Variants in DNMT1 observed in about 807,000 individuals in gnomAD.
DNMT1 encodes the protein DNA methyltransferase 1, also known as DNA (cytosine-5)-methyltransferase 1.
In DNMT1, 24 loss-of-function variants were observed where a neutral mutation model predicts 205.3. That is an observed-to-expected ratio of 0.12 (90% confidence interval 0.08 to 0.16). The LOEUF is 0.16. Ranked by LOEUF, DNMT1 falls within the 10% of genes least tolerant of loss-of-function variation. DNMT1 has a pLI of 1.00. For missense variants in DNMT1, 1,293 were observed against 2,177.7 expected (o/e 0.59, Z 8.09); for synonymous variants, 817 against 839.8 (o/e 0.97, Z 0.47).
At chr19:10,148,751 G>T in intron 27 of DNMT1, 133 bp downstream of exon 27, 1 of 1,478,468 alleles carries the variant, frequency 6.8e-7, no homozygotes, top group Non-Finnish European at 9.3e-7. Flanking sequence ...TCATAGTCAG[G>T]CTGGCCTTTG....
Position 10,133,403 on chromosome 19 carries a change from G to C in DNMT1, c.*264C>G, listed in dbSNP as rs2089415682. 5.5e-6 allele frequency: 3 copies of C among 549,046 alleles called. No individual in the cohort carries two copies. The Admixed American group carries it at 9.6e-5, about 18-fold the overall frequency. 34.0% of individuals were successfully genotyped at this position (549,046 alleles called of 1,614,324 possible). A position where few individuals can be genotyped will look rare whatever the true frequency, so the allele number is the denominator to read the frequency against. Reference sequence around the variant, plus strand: ...TTACAACATATAAAAACTACATAAAGTCTTAATTTCCACTCATACAGTGGT... The same window carrying C: ...TTACAACATATAAAAACTACATAAACTCTTAATTTCCACTCATACAGTGGT... On this transcript the variant is annotated 3_prime_UTR_variant, in exon 41 of 41. Coordinates refer to ENST00000359526, the MANE Select transcript of DNMT1 (RefSeq NM_001130823.3). The surrounding 1 kb of genome is among the most constrained non-coding windows in gnomAD (Gnocchi z 4.1).
In DNMT1 at chr19:10,137,316, G is replaced by A; in HGVS notation, c.4294-36C>T. The stretch of plus-strand genomic sequence containing the variant: ...GTGGGGGGCCCAGCTGTCACCTCAT[G>A]TGAGCAGCATCCGAGCATCCATGGT... On this transcript the variant is annotated intron_variant, in intron 36 of 40. Coordinates refer to ENST00000359526, the MANE Select transcript of DNMT1 (RefSeq NM_001130823.3). The surrounding 1 kb of genome is among the most constrained non-coding windows in gnomAD (Gnocchi z 6.4). The A allele has an allele frequency of 6.3e-7, 1 of 1,576,424 alleles. No individual in the cohort carries two copies. The highest frequency in any genetic ancestry group is 1.2e-5 in the South Asian group (1 of 86,484).
chr19:10,162,811 G>T (rs926740421), intron 12 of DNMT1, 63 bp from the exon 13 acceptor site: 3 of 1,564,082 alleles, frequency 1.9e-6, no homozygotes, highest in African/African-American at 1.4e-5. Context: ...TCGCCAACTC[G>T]CACGGAAAGT....
chr19:10,148,116 C>CAAAAAAAAAAAAAAAAAAAAATAAAA (rs2038239870), intron 27 of DNMT1, among the ~76,000 whole-genome samples: 2 of 59,294 alleles, frequency 3.4e-5, no homozygotes, highest in Non-Finnish European at 3.1e-5. Flanking sequence ...AACTCTGTCT[C>CAAAAAAAAAAAAAAAAAAAAATAAAA]AAAAAAAAAA....
intron 39 of DNMT1, 134 bp downstream of exon 39, chr19:10,135,602 C>A (rs1321293454): frequency 4.4e-6 from 4 of 909,570 alleles, no homozygotes; most frequent in Non-Finnish European, 6.9e-6. Context: ...GCCGTCTTCC[C>A]ACTGAGAGTG....
intron 1 of DNMT1, among the ~76,000 whole-genome samples, chr19:10,186,001 CACACGCTGTGGTAATAGCGTT>C (rs1175612571): frequency 6.6e-6 from 1 of 152,102 alleles, no homozygotes; most frequent in Non-Finnish European, 1.5e-5. Flanking sequence ...GCCAGAGGCA[CACACGCTGTGGTAATAGCGTT>C]ACACTTGACT....
Position 10,137,443 on chromosome 19 carries a change from G to A in DNMT1, c.4294-163C>T, listed in dbSNP as rs950828379. 10 of 860,532 alleles carry A rather than the reference G, an allele frequency of 1.2e-5. No individual in the cohort carries two copies. Among genetic ancestry groups the A allele is most frequent in the African/African-American group, 5.0e-5 (3 of 59,560 alleles). 53.3% of individuals were successfully genotyped at this position (860,532 alleles called of 1,614,324 possible). ...GATATCGCACTTGGCTCGAGGCCAC[G>A]GCAGGGACCTGAGGCAGCGCAGGTG... On this transcript the variant is annotated intron_variant, in intron 36 of 40. Coordinates refer to ENST00000359526, the MANE Select transcript of DNMT1 (RefSeq NM_001130823.3). The surrounding 1 kb of genome is among the most constrained non-coding windows in gnomAD (Gnocchi z 6.4).
chr19:10,190,386 T>C (rs1441417416), intron 1 of DNMT1, among the ~76,000 whole-genome samples: 1 of 152,104 alleles, frequency 6.6e-6, no homozygotes, highest in Non-Finnish European at 1.5e-5. Context: ...AGTGTTATAA[T>C]GGCACCATGC....
intron 34 of DNMT1, among the ~76,000 whole-genome samples, chr19:10,139,004 C>T (rs1004275194): frequency 5.9e-5 from 9 of 152,244 alleles, no homozygotes; most frequent in Non-Finnish European, 1.0e-4. Context: ...GAGCCTGAGT[C>T]GCCCTGAGGC....
In DNMT1 at chr19:10,156,073, T is replaced by G. The variant is rs1599367754; in HGVS notation, c.1400-128A>C. On this transcript the variant is annotated intron_variant, in intron 18 of 40. Transcript: ENST00000359526. The surrounding 1 kb of genome is among the most constrained non-coding windows in gnomAD (Gnocchi z 4.2). Reference sequence around the variant, plus strand: ...GTGCTCCTCAGTCATCACAATGACTTGGCCTACAGCTGCTCCTGGCACAAA... The same window carrying G: ...GTGCTCCTCAGTCATCACAATGACTGGGCCTACAGCTGCTCCTGGCACAAA... 2.1e-6 allele frequency: 2 copies of G among 934,558 alleles called. No individual in the cohort carries two copies. The highest frequency in any genetic ancestry group is 3.3e-6 in the Non-Finnish European group (2 of 598,570). 57.9% of individuals were successfully genotyped at this position (934,558 alleles called of 1,614,324 possible).
Position 10,159,428 on chromosome 19 carries a change from C to T in DNMT1, c.1280+230G>A, listed in dbSNP as rs986298414. Among the ~76,000 whole-genome samples, 3 of 152,142 alleles carry T rather than the reference C, an allele frequency of 2.0e-5. No individual in the cohort carries two copies. The highest frequency in any genetic ancestry group is 4.4e-5 in the Non-Finnish European group (3 of 68,010). The stretch of plus-strand genomic sequence containing the variant: ...TTCGCCATGTTGGCCAGGCTGGTCT[C>T]GAACTCCTGACCTGAAGTGATCTGC... On this transcript the variant is annotated intron_variant, in intron 17 of 40. Transcript: ENST00000359526. The surrounding 1 kb of genome is among the most constrained non-coding windows in gnomAD (Gnocchi z 5.0).
Position 10,137,149 on chromosome 19 carries a change from G to C in DNMT1, c.4425C>G (p.His1475Gln), listed in dbSNP as rs1274835966. ...GTMARKLRYT[H>Q]HDRKNGRSSS... ...TGCTGCGGCCGTTCTTCCTGTCATG[G>C]TGGGTATACCGCAGCTTCCTGGCCA... The change falls in exon 37 of 41, where the codon CAC (histidine) becomes CAG (glutamine). Residue 1475 changes from histidine (H) to glutamine (Q), a missense_variant. By Grantham distance (24) the His-to-Gln change is conservative. Coordinates refer to ENST00000359526, the MANE Select transcript of DNMT1 (RefSeq NM_001130823.3). The surrounding 1 kb of genome is among the most constrained non-coding windows in gnomAD (Gnocchi z 6.4). 17 of 1,610,660 alleles carry C rather than the reference G, an allele frequency of 1.1e-5. No homozygotes were observed. The highest frequency in any genetic ancestry group is 1.4e-5 in the Non-Finnish European group (17 of 1,179,110).
intron 10 of DNMT1, 106 bp downstream of exon 10, chr19:10,168,224 T>C (rs1463450158): frequency 2.5e-5 from 33 of 1,315,614 alleles, no homozygotes; most frequent in Admixed American, 5.2e-5. Context: ...ATAAGAGACA[T>C]ATGATTAGTG....
Position 10,159,823 on chromosome 19 carries a change from G to C in DNMT1, c.1170+19C>G. Reference sequence around the variant, plus strand: ...ACAAGGGACAGGCAGAGGAAGGCTGGGAAGAGAGCTGTACGTACCGCGTCT... The same window carrying C: ...ACAAGGGACAGGCAGAGGAAGGCTGCGAAGAGAGCTGTACGTACCGCGTCT... On this transcript the variant is annotated intron_variant, in intron 16 of 40. Coordinates refer to ENST00000359526, the MANE Select transcript of DNMT1 (RefSeq NM_001130823.3). This position sits in a 1 kb window ranked among gnomAD's most constrained non-coding sequence, Gnocchi z 5.0. The C allele has an allele frequency of 6.2e-7, 1 of 1,614,198 alleles. No homozygotes were observed. The highest frequency in any genetic ancestry group is 8.5e-7 in the Non-Finnish European group (1 of 1,180,036).
chr19:10,155,387 G>C (rs1299516388), intron 19 of DNMT1, among the ~76,000 whole-genome samples: 1 of 151,900 alleles, frequency 6.6e-6, no homozygotes, highest in Admixed American at 6.6e-5. Flanking sequence ...ACCCAGGCTG[G>C]AGGGCAGTGG....
chr19:10,160,092 G>A (rs751382065), intron 14 of DNMT1, 29 bp from the exon 15 acceptor site: 10 of 1,611,268 alleles, frequency 6.2e-6, no homozygotes, highest in Non-Finnish European at 8.5e-6. Flanking sequence ...TCACAAGATC[G>A]TTTGTTTAAT....
At chr19:10,163,430 A>G in intron 11 of DNMT1, 70 bp from the exon 12 acceptor site, 8 of 1,514,124 alleles carry the variant, frequency 5.3e-6, no homozygotes, top group Non-Finnish European at 7.3e-6. Flanking sequence ...CCAGAGTGAG[A>G]TAAAATGCAA....
chr19:10,152,262 C>G (rs1180645709), intron 22 of DNMT1, among the ~76,000 whole-genome samples: 1 of 111,854 alleles, frequency 8.9e-6, no homozygotes, highest in Non-Finnish European at 1.8e-5. Context: ...TTTTAGGTCT[C>G]AAAAAATTAA....
chr19:10,185,143 G>A (rs1216122557), intron 1 of DNMT1, among the ~76,000 whole-genome samples: 1 of 152,168 alleles, frequency 6.6e-6, no homozygotes, highest in Non-Finnish European at 1.5e-5. Flanking sequence ...CCATTCTGTA[G>A]GGCCGGGCAC....
Sources: gnomAD v4.1 joint callset for allele counts (sites outside exome capture counted in the v4.1 genomes callset) on GRCh38, gnomAD v4.1.1 for gene constraint, Gnocchi (gnomAD v3.1) non-coding constraint, MANE v1.5 for transcripts, NCBI Gene and HGNC (gene_info 2026-07-23, HGNC 2026-07-21) for gene names.